The following PTPRT variants were observed in gnomAD, a reference collection of about 807,000 sequenced individuals.
PTPRT encodes receptor-type tyrosine-protein phosphatase T.
A neutral mutation model predicts 176.8 loss-of-function variants in PTPRT; 56 were observed. The ratio of observed to expected loss-of-function variants is 0.32; its 90% CI spans 0.26 to 0.40. The LOEUF is 0.40. Ranked by LOEUF, PTPRT falls within the 10% of genes least tolerant of loss-of-function variation. PTPRT has a pLI of 1.00. For missense variants in PTPRT, 1,540 were observed against 1,908.2 expected, an observed-to-expected ratio of 0.81 and a Z score of 3.60; for synonymous variants, 783 against 739.0, an observed-to-expected ratio of 1.06 and a Z score of -0.96.
Position 42,161,544 on chromosome 20 carries a change from T to C in PTPRT, c.2492-2A>G, listed in dbSNP as rs1250354012. ...AAAGCTCCCCGCGGCTGCCATCTGC[T>C]TCGAAAAGAAGGAGGCAGAACAGAT... On this transcript the variant is annotated splice_acceptor_variant, in intron 16 of 30. Transcript: ENST00000373187. LOFTEE classifies it high-confidence loss of function. 6.2e-7 allele frequency: 1 copy of C among 1,601,098 alleles called. No individual in the cohort carries two copies. Among genetic ancestry groups the C allele is most frequent in the East Asian group, 2.2e-5 (1 of 44,824 alleles).
intron 29 of PTPRT, 23 bp from the exon 30 acceptor site, chr20:42,082,040 A>AACATG (rs1983377426): frequency 2.5e-6 from 4 of 1,613,874 alleles, no homozygotes; most frequent in Non-Finnish European, 2.5e-6. Flanking sequence ...CAAAGAGGTG[A>AACATG]GCCATGTTCC....
intron 6 of PTPRT, among the ~76,000 whole-genome samples, chr20:42,753,373 C>T (rs774053551): frequency 2.0e-5 from 3 of 152,172 alleles, no homozygotes; most frequent in Non-Finnish European, 4.4e-5. Flanking sequence ...TCTTTACATG[C>T]AAGGGACCAG....
At chr20:42,458,509 T>C (rs1288404809) in intron 8 of PTPRT, among the ~76,000 whole-genome samples, 1 of 152,184 alleles carries the variant, frequency 6.6e-6, no homozygotes, top group East Asian at 1.9e-4. Flanking sequence ...ACAAAGTGCT[T>C]ACCTAGGTGT....
In PTPRT at chr20:42,350,228, T is replaced by TGTTGTTTTG. The variant is rs745693310; in HGVS notation, c.1865+399_1865+400insCAAAACAAC. ...GGATGTTTCTTGTTTTTTTTTTTTT[T>TGTTGTTTTG]TTTTTTTTTTTTTTTTTTGAGACAG... is the stretch of plus-strand genomic sequence containing the variant. On this transcript the variant is annotated intron_variant, in intron 11 of 30. Coordinates refer to ENST00000373187, the MANE Select transcript of PTPRT (RefSeq NM_007050.6). Among the ~76,000 whole-genome samples the TGTTGTTTTG allele has an allele frequency of 6.2e-3, 728 of 117,820 alleles. 12 individuals are homozygous for TGTTGTTTTG. The highest frequency in any genetic ancestry group is 0.013 in the East Asian group (60 of 4,480). 77.3% of individuals were successfully genotyped at this position (117,820 alleles called of 152,430 possible). A position where few individuals can be genotyped will look rare whatever the true frequency, so the allele number is the denominator to read the frequency against.
chr20:42,383,985 G>C (rs965662006), intron 9 of PTPRT, among the ~76,000 whole-genome samples: 2 of 152,170 alleles, frequency 1.3e-5, no homozygotes, highest in Non-Finnish European at 2.9e-5. Flanking sequence ...AGGATATGTG[G>C]GTAGATGGGG....
chr20:42,719,251 A>G (rs1330120435), intron 6 of PTPRT, among the ~76,000 whole-genome samples: 1 of 152,236 alleles, frequency 6.6e-6, no homozygotes, highest in East Asian at 1.9e-4. Context: ...CTCCCTGGTC[A>G]TAATTAAAAT....
chr20:42,517,019 T>A (rs763144024), intron 7 of PTPRT, among the ~76,000 whole-genome samples: 1 of 152,138 alleles, frequency 6.6e-6, no homozygotes, highest in Non-Finnish European at 1.5e-5. Context: ...GCTGTCCTTA[T>A]CTACTTTTGG....
intron 1 of PTPRT, among the ~76,000 whole-genome samples, chr20:43,024,885 C>G (rs924993594): frequency 1.3e-5 from 2 of 152,254 alleles, no homozygotes; most frequent in Admixed American, 6.5e-5. Flanking sequence ...AGAACCAACT[C>G]TGTAGCCTCA....
At chr20:42,871,596 G>A (rs1358132329) in intron 2 of PTPRT, among the ~76,000 whole-genome samples, 1 of 152,002 alleles carries the variant, frequency 6.6e-6, no homozygotes, top group African/African-American at 2.4e-5. Context: ...TTTCTTCTAG[G>A]GGTTTTACAG....
At chr20:42,209,413 G>C (rs565375896) in intron 15 of PTPRT, among the ~76,000 whole-genome samples, 29 of 151,534 alleles carry the variant, frequency 1.9e-4, no homozygotes, top group Non-Finnish European at 3.5e-4. Flanking sequence ...GACTAATAAA[G>C]AAAAAAAGAG....
At chr20:42,245,330 C>G (rs372044047) in intron 14 of PTPRT, among the ~76,000 whole-genome samples, 3 of 152,266 alleles carry the variant, frequency 2.0e-5, no homozygotes, top group African/African-American at 4.8e-5. Context: ...GTTCCACATT[C>G]AATACAGCCC....
At chr20:43,014,482 C>G (rs985212949) in intron 1 of PTPRT, among the ~76,000 whole-genome samples, 12 of 152,190 alleles carry the variant, frequency 7.9e-5, no homozygotes, top group African/African-American at 2.7e-4. Context: ...TATTTTCCAG[C>G]CACAGTGAGA....
chr20:42,216,970 G>C (rs1291706001), intron 15 of PTPRT, among the ~76,000 whole-genome samples: 1 of 152,172 alleles, frequency 6.6e-6, no homozygotes, highest in African/African-American at 2.4e-5. Flanking sequence ...GTTCCTAGGA[G>C]ACGCTAGGTT....
intron 17 of PTPRT, among the ~76,000 whole-genome samples, chr20:42,146,790 C>T (rs777743891): frequency 1.3e-5 from 2 of 152,196 alleles, no homozygotes; most frequent in Non-Finnish European, 2.9e-5. Flanking sequence ...CTCTTTAGTG[C>T]AACATCCTTA....
intron 13 of PTPRT, among the ~76,000 whole-genome samples, chr20:42,259,335 T>C (rs1048158846): frequency 2.0e-5 from 3 of 152,188 alleles, no homozygotes; most frequent in Non-Finnish European, 4.4e-5. Flanking sequence ...TTTTTATCCA[T>C]GGAAATAGAG....
intron 2 of PTPRT, among the ~76,000 whole-genome samples, chr20:42,813,709 T>C (rs139438493): frequency 2.0e-5 from 3 of 152,278 alleles, no homozygotes; most frequent in East Asian, 3.9e-4. Context: ...CTGAGCCTAA[T>C]GAAACAGTGA....
At chr20:42,717,453 T>C (rs2076242571) in intron 6 of PTPRT, among the ~76,000 whole-genome samples, 1 of 152,134 alleles carries the variant, frequency 6.6e-6, no homozygotes, top group Non-Finnish European at 1.5e-5. Flanking sequence ...CTGATATCCA[T>C]ACAGACAGAA....
At chr20:42,108,257 ATT>A (rs1986663887) in intron 23 of PTPRT, among the ~76,000 whole-genome samples, 1 of 19,170 alleles carries the variant, frequency 5.2e-5, no homozygotes, top group Admixed American at 5.2e-4. Context: ...TGTTTATTTC[ATT>A]TCAGCATCAC....
intron 1 of PTPRT, among the ~76,000 whole-genome samples, chr20:43,090,823 A>AAC (rs200666172): frequency 0.015 from 2,303 of 152,314 alleles, 45 homozygotes; most frequent in African/African-American, 0.052. Flanking sequence ...TCATAGACAA[A>AAC]ATAAACAGGA....
Sources: gnomAD v4.1 joint callset for allele counts (sites outside exome capture counted in the v4.1 genomes callset) on GRCh38, gnomAD v4.1.1 for gene constraint, MANE v1.5 for transcripts, NCBI Gene and HGNC (gene_info 2026-07-23, HGNC 2026-07-21) for gene names.